Variants in CAMSAP2 observed in about 807,000 individuals in gnomAD.
CAMSAP2 encodes calmodulin-regulated spectrin-associated protein 2.
CAMSAP2 carries 26 observed loss-of-function variants against 146.1 expected under a neutral mutation model. The observed-to-expected ratio is 0.18, with a 90% CI of 0.13 to 0.25. CAMSAP2 has a LOEUF of 0.25. Ranked by LOEUF, CAMSAP2 falls within the 10% of genes least tolerant of loss-of-function variation. CAMSAP2 has a pLI of 1.00. For missense variants in CAMSAP2, 1,381 were observed against 1,759.3 expected (o/e 0.78, Z 3.85); for synonymous variants, 499 against 596.6 (o/e 0.84, Z 2.38).
chr1:200,794,767 C>G (rs1278967846), intron 2 of CAMSAP2, among the ~76,000 whole-genome samples: 1 of 152,186 alleles, frequency 6.6e-6, no homozygotes, highest in Non-Finnish European at 1.5e-5. Context: ...CATCCATGCT[C>G]TAATTAGAGT....
intron 9 of CAMSAP2, 109 bp downstream of exon 9, chr1:200,847,401 G>T (rs1364088460): frequency 2.9e-5 from 23 of 805,744 alleles, no homozygotes; most frequent in Non-Finnish European, 4.5e-5. Flanking sequence ...TTGTGTGTGT[G>T]TGTGTGTGTT....
chr1:200,752,124 T>A (rs1254044889), intron 1 of CAMSAP2, among the ~76,000 whole-genome samples: 3 of 152,170 alleles, frequency 2.0e-5, no homozygotes, highest in Non-Finnish European at 4.4e-5. Flanking sequence ...CACTTTAAAT[T>A]AAACATTAAT....
intron 6 of CAMSAP2, among the ~76,000 whole-genome samples, chr1:200,838,699 A>G (rs1423550985): frequency 1.3e-5 from 2 of 152,224 alleles, no homozygotes; most frequent in Non-Finnish European, 2.9e-5. Flanking sequence ...TGTAAGCCAT[A>G]GTAAGATTCC....
intron 1 of CAMSAP2, among the ~76,000 whole-genome samples, chr1:200,752,896 C>T (rs1006021179): frequency 1.3e-5 from 2 of 151,836 alleles, no homozygotes; most frequent in South Asian, 2.1e-4. Context: ...GGATTACAGG[C>T]GTGAGCCACC....
Position 200,858,120 on chromosome 1 carries a change from T to C in CAMSAP2, c.*61T>C. 1.4e-6 allele frequency: 2 copies of C among 1,396,412 alleles called. No homozygotes were observed. The highest frequency in any genetic ancestry group is 9.7e-7 in the Non-Finnish European group (1 of 1,033,616). 86.5% of individuals were successfully genotyped at this position (1,396,412 alleles called of 1,614,324 possible). On this transcript the variant is annotated 3_prime_UTR_variant, in exon 17 of 17. Coordinates refer to ENST00000358823, the MANE Select transcript of CAMSAP2 (RefSeq NM_203459.4). ...AAATTTGCACTTCATCTTTCCTGCC[T>C]ATAGAAAATCTTTCTAATTGCCAAC...
chr1:200,805,891 G>T (rs957911036), intron 2 of CAMSAP2, among the ~76,000 whole-genome samples: 5 of 152,172 alleles, frequency 3.3e-5, no homozygotes, highest in African/African-American at 1.2e-4. Context: ...TGTAGAAAAT[G>T]AGGTAGACTT....
intron 3 of CAMSAP2, among the ~76,000 whole-genome samples, chr1:200,811,720 G>T (rs1666337216): frequency 6.6e-6 from 1 of 152,116 alleles, no homozygotes; most frequent in Non-Finnish European, 1.5e-5. Context: ...TTATAGTGCA[G>T]CTTGGATCAT....
chr1:200,848,810 A>G lies in CAMSAP2; in HGVS notation c.2041A>G (p.Ser681Gly). 6.2e-7 allele frequency: 1 copy of G among 1,614,194 alleles called. No individual in the cohort carries two copies. Among genetic ancestry groups the G allele is most frequent in the Non-Finnish European group, 8.5e-7 (1 of 1,180,012 alleles). ...TCAGCCAGGCAGCAGTGCTTCTTCTAGTTCTGGAGTTAAAATGACCAGCTT... is the reference window on the plus strand; with the variant it reads ...TCAGCCAGGCAGCAGTGCTTCTTCTGGTTCTGGAGTTAAAATGACCAGCTT... ...KSQPGSSASS[S>G]SGVKMTSFAE... The change falls in exon 11 of 17, where the codon AGT becomes GGT. Residue 681 changes from serine to glycine, a missense_variant. Physicochemically the swap from Ser to Gly is moderately conservative, Grantham distance 56. Transcript: ENST00000358823.
At chr1:200,796,305 T>C (rs1334207466) in intron 2 of CAMSAP2, among the ~76,000 whole-genome samples, 1 of 152,238 alleles carries the variant, frequency 6.6e-6, no homozygotes, top group African/African-American at 2.4e-5. Flanking sequence ...TATGGGCTTA[T>C]TTATGGACTC....
At chr1:200,757,366 C>G (rs1009092880) in intron 1 of CAMSAP2, among the ~76,000 whole-genome samples, 5 of 152,146 alleles carry the variant, frequency 3.3e-5, no homozygotes, top group African/African-American at 4.8e-5. Flanking sequence ...ATGTTACTTT[C>G]AAAACTTAGG....
chr1:200,852,464 A>G lies in CAMSAP2; in HGVS notation c.3466-77A>G. The G allele has an allele frequency of 4.0e-6, 6 of 1,518,796 alleles. No homozygotes were observed. The Admixed American group carries it at 1.2e-4, about 30-fold the overall frequency. The allele number at this position is 1,518,796 out of a possible 1,614,324, so 94.1% of individuals were successfully genotyped here. A position where few individuals can be genotyped will look rare whatever the true frequency, so the allele number is the denominator to read the frequency against. On this transcript the variant is annotated intron_variant, in intron 11 of 16. Transcript: ENST00000358823. ...CTTTCAGTTATAGGACTAACCACAA[A>G]ATGTGACTACAACAATTGAAAATGA...
rs749466550 is a variant in CAMSAP2, at chr1:200,832,380, A to C, written c.787+39A>C. On this transcript the variant is annotated intron_variant, in intron 5 of 16. Coordinates refer to ENST00000358823, the MANE Select transcript of CAMSAP2 (RefSeq NM_203459.4). The surrounding 1 kb of genome is among the most constrained non-coding windows in gnomAD (Gnocchi z 4.2). ...TGTAATACTTCTGAACTGTAGACAGATAGTAACCAATATTTAAGACAGTAT... is the reference window on the plus strand; with the variant it reads ...TGTAATACTTCTGAACTGTAGACAGCTAGTAACCAATATTTAAGACAGTAT... 1.3e-6 allele frequency: 2 copies of C among 1,558,328 alleles called. No individual in the cohort carries two copies. The highest frequency in any genetic ancestry group is 1.7e-6 in the Non-Finnish European group (2 of 1,152,006).
intron 2 of CAMSAP2, among the ~76,000 whole-genome samples, chr1:200,764,191 A>C (rs1664878956): frequency 6.6e-6 from 1 of 152,186 alleles, no homozygotes; most frequent in South Asian, 2.1e-4. Context: ...ATTGCACTGA[A>C]TATATTGCCC....
Position 200,848,529 on chromosome 1 carries a change from C to G in CAMSAP2, c.1760C>G (p.Ser587Cys). ...ILNSNIKLNQ[S>C]SPDNVTDTKG... ...AATTCAAATATCAAGTTAAATCAAT[C>G]TAGTCCTGATAATGTAACTGATACG... Residue 587 changes from serine to cysteine, a missense_variant, in exon 11 of 17, where the codon TCT becomes TGT. This residue lies in a region of CAMSAP2 where 447 missense variants were observed against 462.2 expected (regional missense o/e 0.97). Transcript: ENST00000358823. The G allele has an allele frequency of 1.9e-6, 3 of 1,613,940 alleles. No individual in the cohort carries two copies. Among genetic ancestry groups the G allele is most frequent in the Non-Finnish European group, 2.5e-6 (3 of 1,179,930 alleles).
intron 2 of CAMSAP2, among the ~76,000 whole-genome samples, chr1:200,799,183 A>G (rs1665967835): frequency 6.6e-6 from 1 of 152,192 alleles, no homozygotes; most frequent in Non-Finnish European, 1.5e-5. Flanking sequence ...CTGGCCTCAT[A>G]AAAAGAGTTA....
At chr1:200,792,462 T>C (rs913111056) in intron 2 of CAMSAP2, among the ~76,000 whole-genome samples, 5 of 152,034 alleles carry the variant, frequency 3.3e-5, no homozygotes, top group Admixed American at 2.0e-4. Context: ...CTGGCCAACA[T>C]GGTGAAACCC....
intron 4 of CAMSAP2, among the ~76,000 whole-genome samples, chr1:200,821,166 CT>C (rs1666750916): frequency 6.6e-6 from 1 of 150,840 alleles, no homozygotes; most frequent in Admixed American, 6.6e-5. Context: ...CATATGTAGC[CT>C]GCTTCTTCTT....
chr1:200,759,458 A>T (rs981674304), intron 1 of CAMSAP2, among the ~76,000 whole-genome samples: 7 of 151,876 alleles, frequency 4.6e-5, no homozygotes, highest in African/African-American at 9.7e-5. Context: ...TTGTGTTTTT[A>T]GTAGAGAGGG....
At chr1:200,842,683 G>T (rs996653530) in intron 7 of CAMSAP2, among the ~76,000 whole-genome samples, 1 of 151,996 alleles carries the variant, frequency 6.6e-6, no homozygotes, top group Non-Finnish European at 1.5e-5. Context: ...AAAACTAGAG[G>T]TTTATTTCTA....
Sources: allele counts gnomAD v4.1 joint callset (sites outside exome capture counted in the v4.1 genomes callset), GRCh38; gene constraint gnomAD v4.1.1; regional missense constraint gnomAD v4.1.1; non-coding constraint Gnocchi (gnomAD v3.1); transcripts MANE v1.5; gene names NCBI Gene and HGNC (gene_info 2026-07-23, HGNC 2026-07-21).